FSD2: variants seen among roughly 807,000 people sequenced by gnomAD.
FSD2 encodes fibronectin type III and SPRY domain-containing protein 2.
Under a neutral mutation model 80.4 loss-of-function variants are expected in FSD2, and 71 were observed. That is an observed-to-expected ratio of 0.88 (90% confidence interval 0.73 to 1.08). The LOEUF (loss-of-function observed/expected upper bound fraction) is 1.08. Ranked by LOEUF, FSD2 falls within the 50% of genes least tolerant of loss-of-function variation. The pLI is 0.00. For synonymous variants in FSD2, 361 were observed against 329.5 expected, an observed-to-expected ratio of 1.10 and a Z score of -1.03; for missense variants, 923 against 913.8, an observed-to-expected ratio of 1.01 and a Z score of -0.13.
chr15:82,774,972 A>C (rs186043931), intron 6 of FSD2, among the ~76,000 whole-genome samples: 133 of 151,734 alleles, frequency 8.8e-4, no homozygotes, highest in Non-Finnish European at 1.0e-3. Flanking sequence ...CACCCACCTC[A>C]GCCGTCCAAA....
intron 1 of FSD2, among the ~76,000 whole-genome samples, chr15:82,800,032 G>A (rs2050374198): frequency 1.3e-5 from 2 of 152,124 alleles, no homozygotes; most frequent in South Asian, 2.1e-4. Context: ...CATTCCTGCT[G>A]TAAGCCTCCA....
At position 82,757,401 on chromosome 15, in the gene FSD2, G is replaced by A. The variant is rs188765302; in HGVS notation, c.*1947C>T. The A allele has an allele frequency of 5.8e-5, 8 of 137,856 alleles. No homozygotes were observed. Among genetic ancestry groups the A allele is most frequent in the Non-Finnish European group, 1.2e-4 (8 of 66,042 alleles). The allele number at this position is 137,856 out of a possible 1,614,324, so 8.5% of individuals were successfully genotyped here. ...GGAGTCTTGATCTGTGAGCCATCTC[G>A]GCTCACTGCAAGCTCCACCTCCCGG... On this transcript the variant is annotated 3_prime_UTR_variant, in exon 13 of 13. Coordinates refer to ENST00000334574, the MANE Select transcript of FSD2 (RefSeq NM_001007122.4).
intron 1 of FSD2, among the ~76,000 whole-genome samples, chr15:82,788,058 G>T (rs1025233325): frequency 1.3e-5 from 2 of 151,956 alleles, no homozygotes; most frequent in African/African-American, 4.8e-5. Context: ...GAACCACTGC[G>T]CCCAGTCTAT....
intron 1 of FSD2, among the ~76,000 whole-genome samples, chr15:82,787,966 G>A (rs2050043689): frequency 6.6e-6 from 1 of 151,914 alleles, no homozygotes; most frequent in South Asian, 2.1e-4. Context: ...TTTTGGTAGA[G>A]ACGGGTTTTC....
chr15:82,768,697 A>G (rs527299020), intron 9 of FSD2, among the ~76,000 whole-genome samples, 183 bp downstream of exon 9: 5 of 152,228 alleles, frequency 3.3e-5, no homozygotes, highest in Non-Finnish European at 7.3e-5. Flanking sequence ...TTATTCATTC[A>G]CTTGTCATTC....
At chr15:82,772,317 A>C in intron 6 of FSD2, 89 bp from the exon 7 acceptor site, 1 of 1,301,048 alleles carries the variant, frequency 7.7e-7, no homozygotes, top group African/African-American at 1.5e-5. Context: ...GATCCCCCCA[A>C]TGAATCCACA....
chr15:82,757,382 T>G lies in FSD2; in HGVS notation c.*1966A>C, dbSNP rs1330145952. On this transcript the variant is annotated 3_prime_UTR_variant, in exon 13 of 13. Transcript: ENST00000334574. ...TTTTTTTTTTTTTTGAGATGGAGTC[T>G]TGATCTGTGAGCCATCTCGGCTCAC... 6.8e-6 allele frequency: 1 copy of G among 148,080 alleles called. No homozygotes were observed. Among genetic ancestry groups the G allele is most frequent in the Non-Finnish European group, 1.5e-5 (1 of 67,412 alleles). The allele number at this position is 148,080 out of a possible 1,614,324, so 9.2% of individuals were successfully genotyped here.
At chr15:82,780,874 C>T (rs1378855782) in intron 4 of FSD2, among the ~76,000 whole-genome samples, 1 of 152,024 alleles carries the variant, frequency 6.6e-6, no homozygotes, top group Non-Finnish European at 1.5e-5. Flanking sequence ...TCTTCCATAC[C>T]ACAGTACTGC....
At chr15:82,798,414 G>C (rs1286488517) in intron 1 of FSD2, among the ~76,000 whole-genome samples, 1 of 152,138 alleles carries the variant, frequency 6.6e-6, no homozygotes, top group Admixed American at 6.6e-5. Context: ...ATGATTTTTA[G>C]TAAATTCCCC....
rs1185996814 is a variant in FSD2 at position 82,759,541 on chromosome 15, G to A, written c.2057C>T (p.Pro686Leu). ...GTCTAATAGAATGCCAATCTTCTTT[G>A]GTGGAACTGTTATTCTTATATCTGG... ...TTPDIRITVP[P>L]KKIGILLDYE... Residue 686 changes from proline to leucine, a missense_variant, in exon 13 of 13, where the codon CCA becomes CTA. By Grantham distance (98) the Pro-to-Leu change is moderately conservative. Coordinates refer to ENST00000334574, the MANE Select transcript of FSD2 (RefSeq NM_001007122.4). The A allele has an allele frequency of 6.2e-7, 1 of 1,606,732 alleles. No individual in the cohort carries two copies. The highest frequency in any genetic ancestry group is 2.2e-5 in the East Asian group (1 of 44,794).
At position 82,782,814 on chromosome 15, in the gene FSD2, T is replaced by C; in HGVS notation, c.947A>G (p.Glu316Gly). The change falls in exon 4 of 13, where the codon GAG (glutamate) becomes GGG (glycine). Residue 316 changes from glutamate to glycine, a missense_variant. Glu to Gly is a moderately conservative substitution (Grantham distance 98, BLOSUM62 -2). Transcript: ENST00000334574. ...METIEEMCHEEKVDFIKDAVA... is the reference protein window; with the variant it reads ...METIEEMCHEGKVDFIKDAVA... ...ACTGACCTTTATGAAATCCACCTTC[T>C]CCTCGTGACACATCTCCTCTATTGT... The C allele has an allele frequency of 6.2e-7, 1 of 1,609,260 alleles. No individual in the cohort carries two copies. Among genetic ancestry groups the C allele is most frequent in the East Asian group, 2.2e-5 (1 of 44,872 alleles).
chr15:82,805,140 A>ATTT (rs57346494), intron 1 of FSD2, among the ~76,000 whole-genome samples: 22,461 of 131,344 alleles, frequency 0.17, 2,424 homozygotes, highest in Non-Finnish European at 0.24. Flanking sequence ...TCCCCCAATA[A>ATTT]TTTTTTTTTT....
chr15:82,763,773 G>A (rs980499669), intron 11 of FSD2, among the ~76,000 whole-genome samples: 1 of 152,034 alleles, frequency 6.6e-6, no homozygotes, highest in African/African-American at 2.4e-5. Context: ...TTGTTCCCCT[G>A]CTTTAAATCC....
At chr15:82,805,154 T>TG (rs1225734604) in intron 1 of FSD2, among the ~76,000 whole-genome samples, 1 of 151,376 alleles carries the variant, frequency 6.6e-6, no homozygotes, top group African/African-American at 2.4e-5. Flanking sequence ...TTTTTTTTTT[T>TG]TTTTTTTAGA....
intron 1 of FSD2, among the ~76,000 whole-genome samples, chr15:82,804,690 A>G (rs2050488715): frequency 6.6e-6 from 1 of 152,250 alleles, no homozygotes; most frequent in Non-Finnish European, 1.5e-5. Context: ...TTCAACCAGA[A>G]GCTGGAATGT....
At position 82,782,940 on chromosome 15, in the gene FSD2, A is replaced by G; in HGVS notation, c.821T>C (p.Ile274Thr). The change falls in exon 4 of 13, where the codon ATA becomes ACA. Residue 274 changes from isoleucine to threonine, a missense_variant. Transcript: ENST00000334574. The stretch of plus-strand genomic sequence containing the variant: ...TTTCTTTTTCTCCCCTAGAGCTTGT[A>G]TTTTTTCCTCATATTTTTGAGCAAG... ...ETLAQKYEEK[I>T]QALGEKKKEK... 3 of 1,613,198 alleles carry G rather than the reference A, an allele frequency of 1.9e-6. No individual in the cohort carries two copies. Among genetic ancestry groups the G allele is most frequent in the Non-Finnish European group, 2.5e-6 (3 of 1,179,722 alleles).
At chr15:82,789,931 C>T (rs1291531440) in intron 1 of FSD2, among the ~76,000 whole-genome samples, 1 of 152,132 alleles carries the variant, frequency 6.6e-6, no homozygotes, top group Non-Finnish European at 1.5e-5. Context: ...AATCCCAGCA[C>T]TTTTGGAGGC....
chr15:82,771,496 C>T (rs2049569608), intron 7 of FSD2, among the ~76,000 whole-genome samples: 1 of 152,230 alleles, frequency 6.6e-6, no homozygotes, highest in African/African-American at 2.4e-5. Context: ...TGTAACCCCA[C>T]ACCAGCCAGT....
At chr15:82,771,395 T>C (rs1166976701) in intron 7 of FSD2, among the ~76,000 whole-genome samples, 1 of 152,232 alleles carries the variant, frequency 6.6e-6, no homozygotes, top group Admixed American at 6.5e-5. Context: ...AATCTTCACA[T>C]GTTCAGCTGG....
Sources: allele counts gnomAD v4.1 joint callset (sites outside exome capture counted in the v4.1 genomes callset), GRCh38; gene constraint gnomAD v4.1.1; transcripts MANE v1.5; gene names NCBI Gene and HGNC (gene_info 2026-07-23, HGNC 2026-07-21).